SPINK1: variants seen among roughly 807,000 people sequenced by gnomAD.
The protein encoded by SPINK1 is serine protease inhibitor Kazal-type 1.
In SPINK1, 5 loss-of-function variants were observed where a neutral mutation model predicts 9.5. The observed-to-expected ratio is 0.52, with a 90% CI of 0.27 to 1.10. The LOEUF (loss-of-function observed/expected upper bound fraction) is 1.10. Among genes scored for constraint, SPINK1 ranks in the 50% least tolerant of loss-of-function variants. SPINK1 has a pLI of 0.11. For synonymous variants in SPINK1, 37 were observed against 32.3 expected (o/e 1.14, Z -0.49); for missense variants, 88 against 92.7 (o/e 0.95, Z 0.21).
Position 147,826,554 on chromosome 5 carries a change from A to G in SPINK1, c.194+1468T>C, listed in dbSNP as rs998142703. 2.6e-5 allele frequency among the ~76,000 whole-genome samples: 4 copies of G among 152,184 alleles called. No individual in the cohort carries two copies. In the East Asian group the frequency reaches 7.7e-4, roughly 29 times the overall value. Reference sequence around the variant, plus strand: ...TGTTTCACTGTAAATGTTGAGCGGCACTTGGAAATTTCCCAAGTCTCAAAG... The same window carrying G: ...TGTTTCACTGTAAATGTTGAGCGGCGCTTGGAAATTTCCCAAGTCTCAAAG... On this transcript the variant is annotated intron_variant, in intron 3 of 3. Transcript: ENST00000296695.
chr5:147,831,632 C>G lies in SPINK1; in HGVS notation c.-55G>C. 6.2e-7 allele frequency: 1 copy of G among 1,607,990 alleles called. No individual in the cohort carries two copies. The highest frequency in any genetic ancestry group is 2.3e-5 in the East Asian group (1 of 44,424). On this transcript the variant is annotated 5_prime_UTR_variant, in exon 1 of 4. Transcript: ENST00000296695. The stretch of plus-strand genomic sequence containing the variant: ...GAAAACTGCACCGCACTTACCACGT[C>G]TCTTCAGAAGCCTGGGACTGGAAGG...
rs372279808 is a variant in SPINK1, at chr5:147,824,628, C to G, written c.*33G>C. On this transcript the variant is annotated 3_prime_UTR_variant, in exon 4 of 4. Transcript: ENST00000296695. ...CAACAATAAGGCCAGTCAGGCCTCG[C>G]GGTGACCTGATGGGATTTCAAAACC... 6.2e-7 allele frequency: 1 copy of G among 1,607,636 alleles called. No homozygotes were observed. The highest frequency in any genetic ancestry group is 1.7e-5 in the Admixed American group (1 of 60,000).
At chr5:147,828,267 C>A in intron 2 of SPINK1, 139 bp from the exon 3 acceptor site, 1 of 765,156 alleles carries the variant, frequency 1.3e-6, no homozygotes. Context: ...GAGAAATAAC[C>A]TACTATCTGG....
chr5:147,825,711 G>A (rs539490597), intron 3 of SPINK1, among the ~76,000 whole-genome samples: 3 of 152,196 alleles, frequency 2.0e-5, no homozygotes, highest in African/African-American at 7.2e-5. Flanking sequence ...AAAGTGCTGG[G>A]ATTACAGGCA....
intron 3 of SPINK1, 81 bp downstream of exon 3, chr5:147,827,941 G>A: frequency 9.3e-7 from 1 of 1,072,312 alleles, no homozygotes; most frequent in South Asian, 1.4e-5. Context: ...CTTTTCTCGG[G>A]GTGAGATTCA....
chr5:147,828,883 T>G (rs1313022980), intron 2 of SPINK1, among the ~76,000 whole-genome samples: 1 of 151,112 alleles, frequency 6.6e-6, no homozygotes, highest in African/African-American at 2.4e-5. Flanking sequence ...CAGTTTTGTT[T>G]TACTAACACT....
In SPINK1 at chr5:147,828,587, G is replaced by T. The variant is rs777403713; in HGVS notation, c.88-459C>A. ...ACTTAAAGGCACTAGGCATTGTCGG[G>T]TGTTGGAAGTCTTTGCATTCTACTC... is the stretch of plus-strand genomic sequence containing the variant. On this transcript the variant is annotated intron_variant, in intron 2 of 3. Transcript: ENST00000296695. 2.6e-5 allele frequency among the ~76,000 whole-genome samples: 4 copies of T among 152,300 alleles called. No individual in the cohort carries two copies. In the South Asian group the frequency reaches 8.3e-4, roughly 32 times the overall value.
chr5:147,825,522 G>C (rs556039049), intron 3 of SPINK1, among the ~76,000 whole-genome samples: 5 of 150,422 alleles, frequency 3.3e-5, no homozygotes, highest in Non-Finnish European at 7.4e-5. Context: ...GCTCACTGCA[G>C]CCTCCACCTC....
At chr5:147,834,313 G>A (rs555229647), upstream of SPINK1, among the ~76,000 whole-genome samples, 6 of 152,120 alleles carry the variant, frequency 3.9e-5, no homozygotes, top group African/African-American at 1.4e-4. Flanking sequence ...CTGTGTCTCC[G>A]GTGCCTCCGG....
chr5:147,831,360 T>G (rs1756504708), intron 1 of SPINK1, among the ~76,000 whole-genome samples, 163 bp downstream of exon 1: 1 of 152,192 alleles, frequency 6.6e-6, no homozygotes, highest in Non-Finnish European at 1.5e-5. Context: ...GGTTAAAAAT[T>G]CCTCTTAAAA....
chr5:147,834,144 A>G (rs1016072059), upstream of SPINK1, among the ~76,000 whole-genome samples: 1 of 152,208 alleles, frequency 6.6e-6, no homozygotes, highest in Admixed American at 6.6e-5. Context: ...ATTATGTAAT[A>G]TCTTTATTTT....
the SPINK1 span, among the ~76,000 whole-genome samples, chr5:147,837,470 C>A: frequency 2.0e-5 from 3 of 152,106 alleles, no homozygotes; most frequent in Non-Finnish European, 2.9e-5. Context: ...TAGCTCACAC[C>A]AGGACAACAA....
Position 147,831,592 on chromosome 5 carries a change from G to T in SPINK1, c.-15C>A, listed in dbSNP as rs148434824. ...GTTACCTTCATGGCTGAAGTTCTGC[G>T]TCCAGAGGTCAGTTGAAAACTGCAC... On this transcript the variant is annotated 5_prime_UTR_variant, in exon 1 of 4. Transcript: ENST00000296695. 5 of 1,613,090 alleles carry T rather than the reference G, an allele frequency of 3.1e-6. No individual in the cohort carries two copies. The highest frequency in any genetic ancestry group is 4.5e-5 in the East Asian group (2 of 44,756).
At chr5:147,828,186 C>G in intron 2 of SPINK1, 58 bp from the exon 3 acceptor site, 2 of 1,312,646 alleles carry the variant, frequency 1.5e-6, no homozygotes, top group South Asian at 2.4e-5. Context: ...GAGTTCATAG[C>G]AAAATCTCTG....
At position 147,829,457 on chromosome 5, in the gene SPINK1, T is replaced by C. The variant is rs571289405; in HGVS notation, c.87+142A>G. ...CTGTGGGTTGGAACTACTACTACCATTTGCATTTCTCACGTTAACCCTCCC... is the reference window on the plus strand; with the variant it reads ...CTGTGGGTTGGAACTACTACTACCACTTGCATTTCTCACGTTAACCCTCCC... On this transcript the variant is annotated intron_variant, in intron 2 of 3. Coordinates refer to ENST00000296695, the MANE Select transcript of SPINK1 (RefSeq NM_001379610.1). 2.8e-5 allele frequency: 21 copies of C among 753,650 alleles called. No homozygotes were observed. The African/African-American group carries it at 3.1e-4, about 11-fold the overall frequency. 46.7% of individuals were successfully genotyped at this position (753,650 alleles called of 1,614,324 possible).
the SPINK1 span, among the ~76,000 whole-genome samples, chr5:147,837,491 A>C: frequency 6.6e-6 from 1 of 152,144 alleles, no homozygotes; most frequent in South Asian, 2.1e-4. Context: ...GGGGTTAATA[A>C]GTGCCTGTGC....
At chr5:147,829,187 G>C (rs1447785982) in intron 2 of SPINK1, among the ~76,000 whole-genome samples, 1 of 152,160 alleles carries the variant, frequency 6.6e-6, no homozygotes, top group African/African-American at 2.4e-5. Flanking sequence ...GGAGAACCTA[G>C]TTTATTATTT....
At chr5:147,827,750 A>T (rs1259343036) in intron 3 of SPINK1, 6 of 284,042 alleles carry the variant, frequency 2.1e-5, no homozygotes, top group Non-Finnish European at 3.3e-5. Context: ...ACCACTAATA[A>T]TTTTTTTAAT....
chr5:147,836,767 GTA>G, the SPINK1 span, among the ~76,000 whole-genome samples: 5 of 152,282 alleles, frequency 3.3e-5, no homozygotes, highest in African/African-American at 1.2e-4. Flanking sequence ...ACTTACAAAT[GTA>G]TGTTACTCCA....
Sources: gnomAD v4.1 joint callset for allele counts (sites outside exome capture counted in the v4.1 genomes callset) on GRCh38, gnomAD v4.1.1 for gene constraint, MANE v1.5 for transcripts, NCBI Gene and HGNC (gene_info 2026-07-23, HGNC 2026-07-21) for gene names.